Variants in RREB1 observed in about 807,000 individuals in gnomAD.
RREB1 encodes ras-responsive element-binding protein 1.
In RREB1, 27 loss-of-function variants were observed where a neutral mutation model predicts 117.8. The observed-to-expected ratio is 0.23, with a 90% CI of 0.17 to 0.32. The LOEUF (loss-of-function observed/expected upper bound fraction) is 0.32, where lower values mean the gene tolerates loss of function less well. Among genes scored for constraint, RREB1 ranks in the 10% least tolerant of loss-of-function variants. The pLI is 1.00. For missense variants in RREB1, 2,577 were observed against 2,378.2 expected, an observed-to-expected ratio of 1.08 and a Z score of -1.74; for synonymous variants, 1,298 against 1,026.7, an observed-to-expected ratio of 1.26 and a Z score of -5.05.
At chr6:7,166,678 C>T (rs1227435744) in intron 1 of RREB1, among the ~76,000 whole-genome samples, 1 of 152,204 alleles carries the variant, frequency 6.6e-6, no homozygotes, top group African/African-American at 2.4e-5. Context: ...AGGGGAGAAG[C>T]ATTTCAAACG....
At chr6:7,187,692 T>C in intron 5 of RREB1, 169 bp downstream of exon 5, 1 of 320,694 alleles carries the variant, frequency 3.1e-6, no homozygotes, top group Non-Finnish European at 5.5e-6. Flanking sequence ...GACCAGCCTA[T>C]TTTTGATCTA....
chr6:7,126,254 C>T (rs1761916035), intron 1 of RREB1, among the ~76,000 whole-genome samples: 1 of 152,100 alleles, frequency 6.6e-6, no homozygotes, highest in Admixed American at 6.5e-5. Flanking sequence ...CCCGCCTTGG[C>T]CTCCCAAAGT....
At chr6:7,129,280 G>C (rs1468890828) in intron 1 of RREB1, among the ~76,000 whole-genome samples, 2 of 152,228 alleles carry the variant, frequency 1.3e-5, no homozygotes, top group African/African-American at 4.8e-5. Context: ...ATTTGGTGTT[G>C]AGGAAGGTGT....
chr6:7,172,077 CTGGG>C (rs1764241159), intron 1 of RREB1, among the ~76,000 whole-genome samples: 1 of 151,860 alleles, frequency 6.6e-6, no homozygotes, highest in Non-Finnish European at 1.5e-5. Flanking sequence ...TCCCAAGTAG[CTGGG>C]ACTGCAGGAG....
intron 1 of RREB1, among the ~76,000 whole-genome samples, chr6:7,110,642 T>A (rs1272524161): frequency 6.6e-6 from 1 of 152,246 alleles, no homozygotes; most frequent in Non-Finnish European, 1.5e-5. Context: ...AAAAAATACC[T>A]TTCCCCCATT....
chr6:7,189,163 A>G lies in RREB1; in HGVS notation c.266A>G (p.Asn89Ser). The G allele has an allele frequency of 6.2e-7, 1 of 1,612,714 alleles. No individual in the cohort carries two copies. ...TGTGACCATTGCTTTCTGCAGCACAACACAGACACTGGAGGAGCCGACCAC... is the reference window on the plus strand; with the variant it reads ...TGTGACCATTGCTTTCTGCAGCACAGCACAGACACTGGAGGAGCCGACCAC... ...HQLTMHIRQH[N>S]TDTGGADHSC... The change falls in exon 6 of 13, where the codon AAC becomes AGC. Residue 89 changes from asparagine to serine, a missense_variant. By Grantham distance (46) the Asn-to-Ser change is conservative. Coordinates refer to ENST00000379938, the MANE Select transcript of RREB1 (RefSeq NM_001003699.4).
chr6:7,200,354 C>CT (rs1469661330), intron 6 of RREB1, among the ~76,000 whole-genome samples: 2 of 150,776 alleles, frequency 1.3e-5, no homozygotes, highest in Admixed American at 6.6e-5. Context: ...GGCACAATCT[C>CT]TGCCTCCTGG....
intron 6 of RREB1, among the ~76,000 whole-genome samples, chr6:7,207,462 A>G (rs988022900): frequency 6.6e-6 from 1 of 152,150 alleles, no homozygotes; most frequent in African/African-American, 2.4e-5. Flanking sequence ...AATGGAGGAG[A>G]TGTGGTTTGA....
intron 1 of RREB1, among the ~76,000 whole-genome samples, chr6:7,112,518 G>T (rs1761194140): frequency 6.6e-6 from 1 of 152,062 alleles, no homozygotes; most frequent in African/African-American, 2.4e-5. Context: ...AGTAGCCATG[G>T]CAGTTTTCAA....
intron 11 of RREB1, among the ~76,000 whole-genome samples, chr6:7,245,258 T>C (rs1581596851): frequency 1.3e-5 from 2 of 151,944 alleles, no homozygotes; most frequent in South Asian, 4.2e-4. Context: ...CAGCTGGGCG[T>C]GGTGGTGGGC....
chr6:7,209,456 G>A (rs144557673), intron 6 of RREB1, among the ~76,000 whole-genome samples: 92 of 152,094 alleles, frequency 6.0e-4, no homozygotes, highest in African/African-American at 1.9e-3. Context: ...TAATCACTTT[G>A]GAATAGAGGT....
At chr6:7,202,759 C>G (rs1230711380) in intron 6 of RREB1, among the ~76,000 whole-genome samples, 1 of 152,166 alleles carries the variant, frequency 6.6e-6, no homozygotes, top group Non-Finnish European at 1.5e-5. Context: ...CCTGAGGTAT[C>G]TAAGGCCTGT....
rs769262944 is a variant in RREB1, at chr6:7,229,409, T to C, written c.1310T>C (p.Leu437Pro). 6.2e-7 allele frequency: 1 copy of C among 1,614,168 alleles called. No homozygotes were observed. Among genetic ancestry groups the C allele is most frequent in the East Asian group, 2.2e-5 (1 of 44,884 alleles). Residue 437 changes from leucine (L) to proline (P), a missense_variant, in exon 10 of 13, where the codon CTG becomes CCG. Transcript: ENST00000379938. This position sits in a 1 kb window ranked among gnomAD's most constrained non-coding sequence, Gnocchi z 4.5. ...GCGACCAAGGACAGCATAAAGCACC[T>C]GTCCCTGCAGCCCTTCCAGAAGGGC... The part of the protein sequence containing the change: ...LPATKDSIKH[L>P]SLQPFQKGFI...
In RREB1 at chr6:7,249,514, T is replaced by C. The variant is rs1769319586; in HGVS notation, c.*546T>C. The stretch of plus-strand genomic sequence containing the variant: ...TTCTTAAATAGACATTTTCCTTTTT[T>C]CTTTGTGCTTCATGGTGGAGCTGTC... On this transcript the variant is annotated 3_prime_UTR_variant, in exon 13 of 13. Coordinates refer to ENST00000379938, the MANE Select transcript of RREB1 (RefSeq NM_001003699.4). 6.5e-6 allele frequency: 1 copy of C among 152,842 alleles called. No individual in the cohort carries two copies. Among genetic ancestry groups the C allele is most frequent in the South Asian group, 2.1e-4 (1 of 4,828 alleles). The allele number at this position is 152,842 out of a possible 1,614,324, so 9.5% of individuals were successfully genotyped here. A position where few individuals can be genotyped will look rare whatever the true frequency, so the allele number is the denominator to read the frequency against.
intron 6 of RREB1, among the ~76,000 whole-genome samples, chr6:7,200,280 G>GTGTT (rs1424204377): frequency 4.3e-5 from 4 of 93,836 alleles, no homozygotes; most frequent in African/African-American, 2.1e-4. Context: ...GTGTGTGTGT[G>GTGTT]TATTTTTTTT....
At chr6:7,159,024 T>C (rs1057307175) in intron 1 of RREB1, among the ~76,000 whole-genome samples, 3 of 152,232 alleles carry the variant, frequency 2.0e-5, no homozygotes, top group African/African-American at 4.8e-5. Flanking sequence ...GTTGTGACTT[T>C]TGAATTTTAT....
chr6:7,237,836 T>C (rs2714335), intron 10 of RREB1, among the ~76,000 whole-genome samples: 108,254 of 152,132 alleles, frequency 0.71, 39,778 homozygotes, highest in African/African-American at 0.9. Flanking sequence ...TAATGACTCA[T>C]GTGAGTTGTT....
At chr6:7,214,841 A>C (rs191464953) in intron 8 of RREB1, 1 of 152,282 alleles carries the variant, frequency 6.6e-6, no homozygotes, top group African/African-American at 2.4e-5. Context: ...CAAGGTGCCC[A>C]TTGTTCCTTA....
intron 1 of RREB1, among the ~76,000 whole-genome samples, chr6:7,136,088 A>G (rs1762340804): frequency 6.6e-6 from 1 of 151,250 alleles, no homozygotes; most frequent in Admixed American, 6.6e-5. Flanking sequence ...GGAGGTGATC[A>G]GGGGTGATGA....
Sources: gnomAD v4.1 joint callset for allele counts (sites outside exome capture counted in the v4.1 genomes callset) on GRCh38, gnomAD v4.1.1 for gene constraint, Gnocchi (gnomAD v3.1) non-coding constraint, MANE v1.5 for transcripts, NCBI Gene and HGNC (gene_info 2026-07-23, HGNC 2026-07-21) for gene names.